The following FRMD4A variants were observed in gnomAD, a reference collection of about 807,000 sequenced individuals.
FRMD4A encodes the protein FERM domain containing 4A, also known as FERM domain-containing protein 4A.
Under a neutral mutation model 129.1 loss-of-function variants are expected in FRMD4A, and 29 were observed. The observed-to-expected ratio is 0.22, with a 90% CI of 0.17 to 0.31. The LOEUF is 0.31. Among genes scored for constraint, FRMD4A ranks in the 10% least tolerant of loss-of-function variants. The pLI is 1.00. For missense variants in FRMD4A, 1,272 were observed against 1,375.8 expected (o/e 0.92, Z 1.19); for synonymous variants, 634 against 571.6 (o/e 1.11, Z -1.56).
At chr10:14,076,063 C>T (rs1026258108) in intron 2 of FRMD4A, among the ~76,000 whole-genome samples, 2 of 152,152 alleles carry the variant, frequency 1.3e-5, no homozygotes. Context: ...ATTTCCGCTG[C>T]TCACCTGGGC....
chr10:14,001,700 T>C (rs2095643386), intron 2 of FRMD4A, among the ~76,000 whole-genome samples: 1 of 152,238 alleles, frequency 6.6e-6, no homozygotes. Context: ...ATGCATTCTA[T>C]GAACCAGAGA....
intron 2 of FRMD4A, among the ~76,000 whole-genome samples, chr10:13,888,353 C>A (rs1204023115): frequency 1.3e-5 from 2 of 152,178 alleles, no homozygotes; most frequent in Non-Finnish European, 2.9e-5. Flanking sequence ...TACATCAATG[C>A]CTAACTTTTC....
intron 3 of FRMD4A, among the ~76,000 whole-genome samples, chr10:13,815,286 G>A (rs2093523582): frequency 2.6e-5 from 4 of 152,166 alleles, no homozygotes. Context: ...ATTATGCTAA[G>A]TGAAAGAAGC....
At chr10:13,843,726 G>A (rs968539593) in intron 3 of FRMD4A, among the ~76,000 whole-genome samples, 2 of 152,174 alleles carry the variant, frequency 1.3e-5, no homozygotes, top group African/African-American at 4.8e-5. Flanking sequence ...TCGAACTCCT[G>A]ACCTCAGGTG....
chr10:14,197,837 C>T (rs1049872249), intron 2 of FRMD4A, among the ~76,000 whole-genome samples: 13 of 152,236 alleles, frequency 8.5e-5, no homozygotes, highest in African/African-American at 3.1e-4. Context: ...AGCACATCAT[C>T]TATGCAACCC....
At chr10:13,794,411 A>AC (rs2093069790) in intron 5 of FRMD4A, among the ~76,000 whole-genome samples, 1 of 150,208 alleles carries the variant, frequency 6.7e-6, no homozygotes, top group Non-Finnish European at 1.5e-5. Context: ...AAAAAAAAAA[A>AC]ATTAAAAAAT....
chr10:14,074,515 G>A (rs1012883186), intron 2 of FRMD4A: 1 of 152,250 alleles, frequency 6.6e-6, no homozygotes, highest in Non-Finnish European at 1.5e-5. Context: ...CTGAGCAGCA[G>A]GATTCCTGTG....
At chr10:14,051,820 G>A (rs1478259528) in intron 2 of FRMD4A, among the ~76,000 whole-genome samples, 3 of 152,250 alleles carry the variant, frequency 2.0e-5, no homozygotes, top group Non-Finnish European at 4.4e-5. Context: ...GGCAGGAGGA[G>A]ATCGCAGATG....
At chr10:14,266,193 T>C (rs1844972588) in intron 2 of FRMD4A, among the ~76,000 whole-genome samples, 1 of 151,956 alleles carries the variant, frequency 6.6e-6, no homozygotes, top group Non-Finnish European at 1.5e-5. Flanking sequence ...CCGTGCATTG[T>C]AGGATGTTAA....
rs541115097 is a variant in FRMD4A at position 14,011,943 on chromosome 10, A to G, written c.46-153031T>C. ...AGGATGGCTTGAACCTGGGAGGTGG[A>G]GGTTGTAGCGAGCTGAGATTGCACC... On this transcript the variant is annotated intron_variant, in intron 2 of 24. Transcript: ENST00000357447. Among the ~76,000 whole-genome samples the G allele has an allele frequency of 9.3e-5, 14 of 149,970 alleles. No individual in the cohort carries two copies. The East Asian group carries it at 2.6e-3, about 28-fold the overall frequency.
chr10:13,935,410 C>T (rs904854485), intron 2 of FRMD4A, among the ~76,000 whole-genome samples: 5 of 126,212 alleles, frequency 4.0e-5, no homozygotes, highest in Non-Finnish European at 7.9e-5. Context: ...TGCACTATTG[C>T]ACTCTAGCCT....
At chr10:14,234,774 A>G (rs1843745438) in intron 2 of FRMD4A, among the ~76,000 whole-genome samples, 1 of 152,198 alleles carries the variant, frequency 6.6e-6, no homozygotes, top group Admixed American at 6.5e-5. Context: ...AAGTGTCTCT[A>G]TGGTGGGCAT....
intron 2 of FRMD4A, among the ~76,000 whole-genome samples, chr10:14,225,751 T>C (rs964161792): frequency 6.6e-6 from 1 of 152,220 alleles, no homozygotes; most frequent in African/African-American, 2.4e-5. Context: ...AGCTCTTCTG[T>C]AAGTGATAGA....
chr10:13,880,790 C>T (rs2094537843), intron 2 of FRMD4A, among the ~76,000 whole-genome samples: 1 of 152,158 alleles, frequency 6.6e-6, no homozygotes. Context: ...CCGAGGTCTA[C>T]AAGACCCCTG....
intron 2 of FRMD4A, among the ~76,000 whole-genome samples, chr10:14,116,158 T>C (rs1838185638): frequency 6.6e-6 from 1 of 152,196 alleles, no homozygotes; most frequent in Admixed American, 6.5e-5. Flanking sequence ...TGCATGCAAA[T>C]GGAAGGGTTG....
At chr10:13,650,013 G>T (rs1227296846) in intron 24 of FRMD4A, among the ~76,000 whole-genome samples, 1 of 152,208 alleles carries the variant, frequency 6.6e-6, no homozygotes, top group African/African-American at 2.4e-5. Flanking sequence ...TTCAGAATCT[G>T]TGGGGGCTTT....
rs183752674 is a variant in FRMD4A, at chr10:14,238,364, G to A, written c.45+91694C>T. Among the ~76,000 whole-genome samples, 39 of 152,258 alleles carry A rather than the reference G, an allele frequency of 2.6e-4. No individual in the cohort carries two copies. In the East Asian group the frequency reaches 6.0e-3, roughly 23 times the overall value. On this transcript the variant is annotated intron_variant, in intron 2 of 24. Transcript: ENST00000357447. ...GCCTGAGTCTTAACCACTGTGTGGCGTTCGGCCAAGAAATTCGATAGTCAC... is the reference window on the plus strand; with the variant it reads ...GCCTGAGTCTTAACCACTGTGTGGCATTCGGCCAAGAAATTCGATAGTCAC...
Position 13,720,381 on chromosome 10 carries a change from G to T in FRMD4A, c.760-13268C>A, listed in dbSNP as rs12220582. Among the ~76,000 whole-genome samples the T allele has an allele frequency of 0.011, 1,749 of 152,204 alleles. 67 individuals are homozygous for T. The South Asian group carries it at 0.12, about 10-fold the overall frequency. On this transcript the variant is annotated intron_variant, in intron 12 of 24. Coordinates refer to ENST00000357447, the MANE Select transcript of FRMD4A (RefSeq NM_018027.5). ...TGTTCTTAAAGCATCAATCAATGAG[G>T]CCACTATCCACAGACATAAGGAGGA...
chr10:13,850,082 G>A (rs1263891235), intron 3 of FRMD4A, among the ~76,000 whole-genome samples: 2 of 151,764 alleles, frequency 1.3e-5, no homozygotes, highest in Non-Finnish European at 2.9e-5. Flanking sequence ...GGCAGGAGAA[G>A]CACTTGAACC....
Sources: gnomAD v4.1 joint callset for allele counts (sites outside exome capture counted in the v4.1 genomes callset) on GRCh38, gnomAD v4.1.1 for gene constraint, MANE v1.5 for transcripts, NCBI Gene and HGNC (gene_info 2026-07-23, HGNC 2026-07-21) for gene names.